Variants in OLA1 observed in about 807,000 individuals in gnomAD.
OLA1 encodes Obg like ATPase 1.
In OLA1, 14 loss-of-function variants were observed where a neutral mutation model predicts 48.4. The ratio of observed to expected loss-of-function variants is 0.29; its 90% CI spans 0.19 to 0.45. The LOEUF is 0.45. OLA1 is among the 20% of genes least tolerant of loss of function. The probability of loss-of-function intolerance (pLI) is 1.00; values close to 1 mark genes in which losing one functional copy is unlikely to be tolerated. For synonymous variants in OLA1, 127 were observed against 150.4 expected, an observed-to-expected ratio of 0.84 and a Z score of 1.14; for missense variants, 325 against 467.1, an observed-to-expected ratio of 0.70 and a Z score of 2.80.
At chr2:174,144,937 A>ATAT (rs1686545686) in intron 4 of OLA1, among the ~76,000 whole-genome samples, 1 of 52,368 alleles carries the variant, frequency 1.9e-5, no homozygotes, top group Admixed American at 2.9e-4. Context: ...GTTTAAAAAA[A>ATAT]AAAAAAAAAA....
chr2:174,234,009 G>T (rs1374097722), intron 2 of OLA1, among the ~76,000 whole-genome samples: 2 of 152,182 alleles, frequency 1.3e-5, no homozygotes, highest in Admixed American at 6.5e-5. Flanking sequence ...CTTATACACA[G>T]ATTATTTTCA....
At chr2:174,192,461 G>A (rs557978901) in intron 4 of OLA1, among the ~76,000 whole-genome samples, 18 of 152,192 alleles carry the variant, frequency 1.2e-4, no homozygotes, top group African/African-American at 2.4e-4. Context: ...TATTTGGTAC[G>A]TGCTCATTCA....
intron 2 of OLA1, among the ~76,000 whole-genome samples, chr2:174,229,739 T>C (rs1409075555): frequency 6.6e-6 from 1 of 152,242 alleles, no homozygotes; most frequent in Non-Finnish European, 1.5e-5. Context: ...TTTCATGTCA[T>C]ACTACAAAAT....
At chr2:174,203,122 T>C (rs1219449831) in intron 4 of OLA1, among the ~76,000 whole-genome samples, 1 of 152,108 alleles carries the variant, frequency 6.6e-6, no homozygotes, top group Non-Finnish European at 1.5e-5. Context: ...AATAGTGACG[T>C]TTAAAACATA....
At chr2:174,181,725 A>AT (rs557656079) in intron 4 of OLA1, among the ~76,000 whole-genome samples, 129 of 152,108 alleles carry the variant, frequency 8.5e-4, no homozygotes, top group Non-Finnish European at 1.2e-3. Context: ...TATTTACGTG[A>AT]TTTTTTCCCT....
intron 4 of OLA1, among the ~76,000 whole-genome samples, chr2:174,163,711 AATATATAT>A (rs58320338): frequency 7.5e-4 from 26 of 34,442 alleles, no homozygotes; most frequent in African/African-American, 1.4e-3. Context: ...TAAATAAATA[AATATATAT>A]ATATATATAT....
At chr2:174,163,752 ATATATATATATATATATATATAT>A (rs1687083296) in intron 4 of OLA1, among the ~76,000 whole-genome samples, 4 of 49,790 alleles carry the variant, frequency 8.0e-5, no homozygotes, top group Admixed American at 2.0e-4. Flanking sequence ...ATATATATAT[ATATATATATATATATATATATAT>A]AAATAAATGT....
chr2:174,141,799 TA>T, intron 5 of OLA1, 25 bp downstream of exon 5: 1 of 1,548,514 alleles, frequency 6.5e-7, no homozygotes, highest in Non-Finnish European at 8.8e-7. Flanking sequence ...CTTGAGTATC[TA>T]AAGAAGCTGT....
At chr2:174,166,045 G>A (rs1687154054) in intron 4 of OLA1, among the ~76,000 whole-genome samples, 1 of 151,424 alleles carries the variant, frequency 6.6e-6, no homozygotes, top group Non-Finnish European at 1.5e-5. Flanking sequence ...AGAATCGCTT[G>A]AACCCGGGAG....
At chr2:174,239,215 G>GC (rs1040087973) in intron 2 of OLA1, among the ~76,000 whole-genome samples, 1 of 152,016 alleles carries the variant, frequency 6.6e-6, no homozygotes, top group Non-Finnish European at 1.5e-5. Context: ...AAATTAGGGG[G>GC]CAAAAGTATG....
intron 4 of OLA1, among the ~76,000 whole-genome samples, chr2:174,215,859 T>A (rs1249188005): frequency 1.3e-5 from 2 of 152,204 alleles, no homozygotes; most frequent in African/African-American, 4.8e-5. Flanking sequence ...GTTCCAAGTA[T>A]CCTTATCTTA....
intron 7 of OLA1, among the ~76,000 whole-genome samples, chr2:174,092,285 A>G (rs1685146365): frequency 6.6e-6 from 1 of 152,326 alleles, no homozygotes; most frequent in East Asian, 1.9e-4. Flanking sequence ...AGTGCTTGGC[A>G]TAAGCAGATG....
intron 3 of OLA1, among the ~76,000 whole-genome samples, chr2:174,225,698 C>G (rs1184352567): frequency 3.9e-5 from 6 of 152,162 alleles, no homozygotes; most frequent in Admixed American, 3.9e-4. Context: ...ACAAAATGGA[C>G]TAATGCAGAA....
intron 3 of OLA1, among the ~76,000 whole-genome samples, chr2:174,226,164 A>C (rs1688613131): frequency 2.6e-5 from 1 of 38,738 alleles, no homozygotes; most frequent in Admixed American, 2.9e-4. Context: ...CCGCCACTGC[A>C]CTCCAGCCTG....
chr2:174,096,575 G>T (rs1245823159), intron 7 of OLA1, among the ~76,000 whole-genome samples: 1 of 152,126 alleles, frequency 6.6e-6, no homozygotes, highest in African/African-American at 2.4e-5. Context: ...AGAGATTTTG[G>T]AGTAAGGTGA....
chr2:174,170,165 G>A (rs971090082), intron 4 of OLA1, among the ~76,000 whole-genome samples: 3 of 152,050 alleles, frequency 2.0e-5, no homozygotes, highest in African/African-American at 4.8e-5. Flanking sequence ...CCCGGGAGGC[G>A]GAACTTGCAG....
chr2:174,092,028 A>C (rs1343006763), intron 7 of OLA1, among the ~76,000 whole-genome samples: 1 of 150,834 alleles, frequency 6.6e-6, no homozygotes, highest in African/African-American at 2.4e-5. Context: ...TAGTGGATAG[A>C]TAAACAGAGA....
At chr2:174,094,037 T>C (rs1162004407) in intron 7 of OLA1, among the ~76,000 whole-genome samples, 2 of 152,236 alleles carry the variant, frequency 1.3e-5, no homozygotes, top group Non-Finnish European at 2.9e-5. Flanking sequence ...ATCCCTCTGA[T>C]ATACCGGGAT....
chr2:174,150,694 T>C (rs1359041705), intron 4 of OLA1, among the ~76,000 whole-genome samples: 3 of 152,198 alleles, frequency 2.0e-5, no homozygotes, highest in Non-Finnish European at 4.4e-5. Flanking sequence ...AGTTTTCCAA[T>C]TGGAGAAAGC....
Sources: gnomAD v4.1 joint callset for allele counts (sites outside exome capture counted in the v4.1 genomes callset) on GRCh38, gnomAD v4.1.1 for gene constraint, MANE v1.5 for transcripts, NCBI Gene and HGNC (gene_info 2026-07-23, HGNC 2026-07-21) for gene names.